Variants in HDGFL2 observed in about 807,000 individuals in gnomAD.
The protein encoded by HDGFL2 is hepatoma-derived growth factor-related protein 2.
Under a neutral mutation model 77.1 loss-of-function variants are expected in HDGFL2, and 36 were observed. That is an observed-to-expected ratio of 0.47 (90% CI 0.36 to 0.62). HDGFL2 has a LOEUF of 0.62. HDGFL2 is among the 20% of genes least tolerant of loss of function. HDGFL2 has a pLI of 0.00. For missense variants in HDGFL2, 976 were observed against 973.4 expected (o/e 1.00, Z -0.04); for synonymous variants, 463 against 413.1 (o/e 1.12, Z -1.46).
chr19:4,472,433 G>A lies in HDGFL2; in HGVS notation c.72+11G>A. The stretch of plus-strand genomic sequence containing the variant: ...CACTGGCCTGCCAGGGTGAGGCCGC[G>A]CGGGAGATGGGGCCGGTGGGGGGGG... On this transcript the variant is annotated intron_variant, in intron 1 of 15. Coordinates refer to ENST00000616600, the MANE Select transcript of HDGFL2 (RefSeq NM_001001520.3). The A allele has an allele frequency of 7.7e-7, 1 of 1,306,300 alleles. No individual in the cohort carries two copies. 80.9% of individuals were successfully genotyped at this position (1,306,300 alleles called of 1,614,324 possible).
chr19:4,494,448 C>G lies in HDGFL2; in HGVS notation c.1197C>G (p.Ser399=). Reference sequence around the variant, plus strand: ...GGGGTCCCCCGTCCTCCTCTGACTCCGAGCCCGAGGCCGAGCTGGAGAGAG... The same window carrying G: ...GGGGTCCCCCGTCCTCCTCTGACTCGGAGCCCGAGGCCGAGCTGGAGAGAG... ...RGRGPPSSSD[S]EPEAELEREA... The change falls in exon 9 of 16, where the codon TCC becomes TCG. Residue 399 remains serine (S), a synonymous_variant. Transcript: ENST00000616600. 7.2e-7 allele frequency: 1 copy of G among 1,398,062 alleles called. No individual in the cohort carries two copies. Among genetic ancestry groups the G allele is most frequent in the Non-Finnish European group, 9.3e-7 (1 of 1,081,050 alleles). The allele number at this position is 1,398,062 out of a possible 1,614,324, so 86.6% of individuals were successfully genotyped here.
intron 6 of HDGFL2, among the ~76,000 whole-genome samples, chr19:4,493,394 G>A (rs556208903): frequency 2.0e-5 from 3 of 151,858 alleles, no homozygotes; most frequent in Non-Finnish European, 2.9e-5. Flanking sequence ...TGTGGCCTCC[G>A]CACAAGATTT....
Position 4,493,817 on chromosome 19 carries a change from G to A in HDGFL2, c.793G>A (p.Asp265Asn), listed in dbSNP as rs752382584. 1.0e-5 allele frequency: 16 copies of A among 1,532,678 alleles called. No homozygotes were observed. Among genetic ancestry groups the A allele is most frequent in the Admixed American group, 2.0e-5 (1 of 49,020 alleles). The allele number at this position is 1,532,678 out of a possible 1,614,324, so 94.9% of individuals were successfully genotyped here. A position where few individuals can be genotyped will look rare whatever the true frequency, so the allele number is the denominator to read the frequency against. Residue 265 changes from aspartate to asparagine, a missense_variant, in exon 7 of 16, where the codon GAC becomes AAC. Around this residue, in one of 5 missense-constraint regions of HDGFL2, gnomAD observed 567 missense variants for 534.7 expected, o/e 1.06. Coordinates refer to ENST00000616600, the MANE Select transcript of HDGFL2 (RefSeq NM_001001520.3). ...CTCCTCCTCTTCCTCCTCCTCCTCC[G>A]ACTCCGATGTGTCTGTGAAGAAGCC... ...SSSSSSSSSS[D>N]SDVSVKKPPR...
chr19:4,496,869 C>CTTTTTTTTT, intron 10 of HDGFL2: 1 of 345,798 alleles, frequency 2.9e-6, no homozygotes, highest in Non-Finnish European at 5.6e-6. Flanking sequence ...TCCCAGCTCA[C>CTTTTTTTTT]TTTTTTTTTT....
At position 4,498,817 on chromosome 19, in the gene HDGFL2, G is replaced by C; in HGVS notation, c.1477G>C (p.Val493Leu). The C allele has an allele frequency of 6.2e-7, 1 of 1,605,108 alleles. No individual in the cohort carries two copies. The highest frequency in any genetic ancestry group is 8.5e-7 in the Non-Finnish European group (1 of 1,175,244). Residue 493 changes from valine to leucine, a missense_variant, in exon 13 of 16, where the codon GTG (valine) becomes CTG (leucine). Physicochemically the swap from Val to Leu is conservative, Grantham distance 32. Coordinates refer to ENST00000616600, the MANE Select transcript of HDGFL2 (RefSeq NM_001001520.3). ...TCACTCCCACCCCACCCTGCAGGAC[G>C]TGAAGAGGTGCCTGAATGCCCTAGA... The part of the protein sequence containing the change: ...KFALKVDSPD[V>L]KRCLNALEEL...
chr19:4,479,305 C>T (rs1038174076), intron 3 of HDGFL2, among the ~76,000 whole-genome samples: 7 of 151,438 alleles, frequency 4.6e-5, no homozygotes, highest in East Asian at 2.0e-4. Context: ...AAAATTAGGC[C>T]GGGTGCCGTG....
rs542652348 is a variant in HDGFL2 at position 4,500,712 on chromosome 19, C to T, written c.1790-479C>T. 3.3e-5 allele frequency among the ~76,000 whole-genome samples: 5 copies of T among 152,296 alleles called. No homozygotes were observed. In the East Asian group the frequency reaches 5.8e-4, roughly 18 times the overall value. ...TCTGGACCTCATGATCCGCCCTCCT[C>T]GGCCTCCCAAAGTGCTGGGATTACA... On this transcript the variant is annotated intron_variant, in intron 14 of 15. Coordinates refer to ENST00000616600, the MANE Select transcript of HDGFL2 (RefSeq NM_001001520.3).
At chr19:4,484,287 T>A (rs1164774234) in intron 3 of HDGFL2, among the ~76,000 whole-genome samples, 2 of 151,688 alleles carry the variant, frequency 1.3e-5, no homozygotes, top group African/African-American at 4.8e-5. Context: ...TTTGGCCATC[T>A]TGGCCAGGCT....
Position 4,499,558 on chromosome 19 carries a change from C to G in HDGFL2, c.1643C>G (p.Ser548Trp). Residue 548 changes from serine (S) to tryptophan (W), a missense_variant, in exon 14 of 16, where the codon TCG becomes TGG. By Grantham distance (177) the Ser-to-Trp change is radical. Transcript: ENST00000616600. ...GCAGAAGTCTATACCCGGCTCAAGT[C>G]GCGGGTCCTCGGCCCAAAGATCGAG... ...KAAEVYTRLK[S>W]RVLGPKIEAV... The G allele has an allele frequency of 6.2e-7, 1 of 1,613,678 alleles. No individual in the cohort carries two copies. Among genetic ancestry groups the G allele is most frequent in the African/African-American group, 1.3e-5 (1 of 75,022 alleles).
chr19:4,492,126 G>A (rs773131140), intron 6 of HDGFL2, among the ~76,000 whole-genome samples: 9 of 152,186 alleles, frequency 5.9e-5, no homozygotes, highest in African/African-American at 9.7e-5. Context: ...GCAAGAGCGC[G>A]AGAGGGACAC....
rs147847148 is a variant in HDGFL2, at chr19:4,481,615, C to T, written c.288+6032C>T. Among the ~76,000 whole-genome samples the T allele has an allele frequency of 1.6e-3, 243 of 152,226 alleles. 5 individuals carry two copies. The East Asian group carries it at 0.04, about 25-fold the overall frequency. The stretch of plus-strand genomic sequence containing the variant: ...TGCTGGGATTACAGGCTTGAGCCAC[C>T]GCGCCCGGCCAATTTTTGTATTTTT... On this transcript the variant is annotated intron_variant, in intron 3 of 15. Transcript: ENST00000616600.
intron 6 of HDGFL2, among the ~76,000 whole-genome samples, chr19:4,492,977 GTGTC>G (rs1398523851): frequency 7.4e-6 from 1 of 134,400 alleles, no homozygotes; most frequent in Admixed American, 7.5e-5. Flanking sequence ...GTGGTGTGTG[GTGTC>G]TGTGTGTAGT....
At chr19:4,474,389 G>GC (rs1356870820) in intron 1 of HDGFL2, among the ~76,000 whole-genome samples, 1 of 152,138 alleles carries the variant, frequency 6.6e-6, no homozygotes, top group African/African-American at 2.4e-5. Context: ...GATGCTTCTG[G>GC]CGGGAGAGGG....
At chr19:4,494,090 C>A in intron 8 of HDGFL2, 33 bp downstream of exon 8, 2 of 1,547,434 alleles carry the variant, frequency 1.3e-6, no homozygotes, top group Non-Finnish European at 1.7e-6. Flanking sequence ...CCTCTGGCGG[C>A]TCCTCCATCG....
intron 14 of HDGFL2, 109 bp from the exon 15 acceptor site, chr19:4,501,082 G>A: frequency 7.2e-7 from 1 of 1,386,374 alleles, no homozygotes; most frequent in South Asian, 1.3e-5. Context: ...ATGGGCATGT[G>A]TCACCCACGG....
chr19:4,475,390 T>A (rs1035510470), intron 2 of HDGFL2, 39 bp downstream of exon 2: 9 of 1,613,926 alleles, frequency 5.6e-6, no homozygotes, highest in Non-Finnish European at 6.8e-6. Flanking sequence ...TCTCCTCTGG[T>A]GCCTCCCGGG....
At position 4,499,526 on chromosome 19, in the gene HDGFL2, G is replaced by A; in HGVS notation, c.1611G>A (p.Glu537=). The A allele has an allele frequency of 6.2e-7, 1 of 1,613,938 alleles. No homozygotes were observed. Among genetic ancestry groups the A allele is most frequent in the Non-Finnish European group, 8.5e-7 (1 of 1,179,978 alleles). ...RRYKANKDVM[E]KAAEVYTRLK... Reference sequence around the variant, plus strand: ...ACAAAGCGAACAAGGACGTAATGGAGAAGGCAGCAGAAGTCTATACCCGGC... The same window carrying A: ...ACAAAGCGAACAAGGACGTAATGGAAAAGGCAGCAGAAGTCTATACCCGGC... The change falls in exon 14 of 16, where the codon GAG becomes GAA. Residue 537 remains glutamate, a synonymous_variant. Transcript: ENST00000616600.
chr19:4,493,504 C>G (rs1025528402), intron 6 of HDGFL2, among the ~76,000 whole-genome samples, 199 bp from the exon 7 acceptor site: 2 of 152,106 alleles, frequency 1.3e-5, no homozygotes, highest in South Asian at 4.1e-4. Context: ...GCCCGGCGTG[C>G]CCAGGGCCGC....
intron 3 of HDGFL2, among the ~76,000 whole-genome samples, chr19:4,478,140 TTGTGTAAGA>T (rs1283408230): frequency 6.6e-6 from 1 of 150,758 alleles, no homozygotes; most frequent in East Asian, 1.9e-4. Context: ...ATAGATTTAA[TTGTGTAAGA>T]TGGGAGCCCT....
Sources: allele counts gnomAD v4.1 joint callset (sites outside exome capture counted in the v4.1 genomes callset), GRCh38; gene constraint gnomAD v4.1.1; regional missense constraint gnomAD v4.1.1; transcripts MANE v1.5; gene names NCBI Gene and HGNC (gene_info 2026-07-23, HGNC 2026-07-21).